THYN1: variants seen among roughly 807,000 people sequenced by gnomAD.
THYN1 encodes the protein thymocyte protein thy28.
In THYN1, 32 loss-of-function variants were observed where a neutral mutation model predicts 30.6. The observed-to-expected ratio is 1.05, with a 90% CI of 0.79 to 1.40. THYN1 has a LOEUF of 1.40. THYN1 is among the 40% of genes most tolerant of loss of function. The pLI, the probability that THYN1 is intolerant of heterozygous loss-of-function variation, is 0.00. For synonymous variants in THYN1, 107 were observed against 90.8 expected (o/e 1.18, Z -1.01); for missense variants, 259 against 272.6 (o/e 0.95, Z 0.35).
At position 134,251,186 on chromosome 11, in the gene THYN1, G is replaced by A. The variant is rs1291832056; in HGVS notation, c.166C>T (p.His56Tyr). 17 of 1,614,020 alleles carry A rather than the reference G, an allele frequency of 1.1e-5. No homozygotes were observed. Among genetic ancestry groups the A allele is most frequent in the African/African-American group, 1.3e-5 (1 of 74,936 alleles). Residue 56 changes from histidine to tyrosine, a missense_variant, in exon 2 of 7, where the codon CAC (histidine) becomes TAC (tyrosine). By Grantham distance (83) the His-to-Tyr change is moderately conservative. Transcript: ENST00000341541. Reference protein sequence around the residue: ...TKNCLKNLSSHWLMKSEPESR... With the variant: ...TKNCLKNLSSYWLMKSEPESR... ...TCTGGCTCTGACTTCATCAGCCAGT[G>A]GCTGCTTAGATTCTTCAAACAGTTT...
At position 134,249,186 on chromosome 11, in the gene THYN1, T is replaced by G. The variant is rs1938929441; in HGVS notation, c.461A>C (p.Asp154Ala). ...CTTTACCATGGACCACTTAGGGTTG[T>G]CCTCTTTGCTAGATGGGTCATAATG... The part of the protein sequence containing the change: ...NPHYDPSSKE[D>A]NPKWSMVDVQ... The change falls in exon 5 of 7, where the codon GAC (aspartate) becomes GCC (alanine). Residue 154 changes from aspartate to alanine, a missense_variant. Asp to Ala is a moderately radical substitution (Grantham distance 126). Transcript: ENST00000341541. The G allele has an allele frequency of 1.9e-6, 3 of 1,613,992 alleles. No individual in the cohort carries two copies. In the South Asian group the frequency reaches 3.3e-5, roughly 18 times the overall value.
At chr11:134,250,428 A>G in intron 2 of THYN1, 85 bp from the exon 3 acceptor site, 1 of 1,449,490 alleles carries the variant, frequency 6.9e-7, no homozygotes, top group Non-Finnish European at 9.6e-7. Flanking sequence ...TCCTTCCCCT[A>G]AAATGAGAGG....
At chr11:134,249,017 T>A in intron 5 of THYN1, 58 bp from the exon 6 acceptor site, 1 of 1,602,182 alleles carries the variant, frequency 6.2e-7, no homozygotes, top group Non-Finnish European at 8.5e-7. Context: ...GTGCCCACTG[T>A]ATTTTTAACC....
chr11:134,248,713 A>G, intron 6 of THYN1, 96 bp downstream of exon 6: 2 of 1,539,960 alleles, frequency 1.3e-6, no homozygotes, highest in Non-Finnish European at 1.8e-6. Context: ...TGACTGAGAA[A>G]GGTGAAGTAC....
Position 134,253,002 on chromosome 11 carries a change from G to A in THYN1, c.-120C>T, listed in dbSNP as rs1939194815. ...GATGGAGGCAACGAGAGGCAGCCTA[G>A]AACGTCTCCAACTTTTGCGAAACAC... On this transcript the variant is annotated 5_prime_UTR_variant, in exon 1 of 7. Coordinates refer to ENST00000341541, the MANE Select transcript of THYN1 (RefSeq NM_014174.3). 7 of 1,464,706 alleles carry A rather than the reference G, an allele frequency of 4.8e-6. No individual in the cohort carries two copies. The highest frequency in any genetic ancestry group is 6.3e-6 in the Non-Finnish European group (7 of 1,113,948). The allele number at this position is 1,464,706 out of a possible 1,614,324, so 90.7% of individuals were successfully genotyped here.
At chr11:134,250,489 G>A in intron 2 of THYN1, 146 bp from the exon 3 acceptor site, 1 of 814,550 alleles carries the variant, frequency 1.2e-6, no homozygotes. Context: ...TGGCTCCACA[G>A]AGACACTTTT....
chr11:134,252,454 C>T (rs755498802), intron 1 of THYN1, among the ~76,000 whole-genome samples: 40 of 152,226 alleles, frequency 2.6e-4, no homozygotes, highest in Non-Finnish European at 5.6e-4. Flanking sequence ...GTCTCCCATT[C>T]TTCAAGGCTG....
chr11:134,248,522 T>A (rs1469063438), intron 6 of THYN1, 38 bp from the exon 7 acceptor site: 1 of 1,611,492 alleles, frequency 6.2e-7, no homozygotes, highest in Non-Finnish European at 8.5e-7. Flanking sequence ...GATTAGTTTT[T>A]AATGTCCCCT....
Position 134,250,272 on chromosome 11 carries a change from T to A in THYN1, c.291+3A>T. On this transcript the variant is annotated splice_donor_region_variant and intron_variant, in intron 3 of 6. Transcript: ENST00000341541. ...TCAGGCGACCTCCTCCTTACCCTCT[T>A]ACCTGGTAGTTACGAACACCATCCC... is the stretch of plus-strand genomic sequence containing the variant. The A allele has an allele frequency of 2.5e-6, 4 of 1,614,188 alleles. No homozygotes were observed. Among genetic ancestry groups the A allele is most frequent in the Non-Finnish European group, 2.5e-6 (3 of 1,180,012 alleles).
rs1395059901 is a variant in THYN1 at position 134,249,219 on chromosome 11, T to A, written c.428A>T (p.Asn143Ile). ...GCTAGATGGGTCATAATGGGGATTG[T>A]TTTTCTCAAACTGTGTGTGGTCTGG... ...AYPDHTQFEKNNPHYDPSSKE... is the reference protein window; with the variant it reads ...AYPDHTQFEKINPHYDPSSKE... The change falls in exon 5 of 7, where the codon AAC becomes ATC. Residue 143 changes from asparagine (N) to isoleucine (I), a missense_variant. Coordinates refer to ENST00000341541, the MANE Select transcript of THYN1 (RefSeq NM_014174.3). The A allele has an allele frequency of 1.2e-6, 2 of 1,614,094 alleles. No individual in the cohort carries two copies. The highest frequency in any genetic ancestry group is 3.3e-5 in the Admixed American group (2 of 60,002).
intron 3 of THYN1, 41 bp from the exon 4 acceptor site, chr11:134,249,961 TG>T: frequency 6.3e-7 from 1 of 1,584,416 alleles, no homozygotes; most frequent in Non-Finnish European, 8.6e-7. Flanking sequence ...TCCCACCAGC[TG>T]GAAAGTACTA....
Position 134,253,025 on chromosome 11 carries a change from C to T in THYN1, c.-143G>A. 1 of 1,435,060 alleles carries T rather than the reference C, an allele frequency of 7.0e-7. No individual in the cohort carries two copies. The highest frequency in any genetic ancestry group is 2.6e-5 in the East Asian group (1 of 38,878). The allele number at this position is 1,435,060 out of a possible 1,614,324, so 88.9% of individuals were successfully genotyped here. On this transcript the variant is annotated 5_prime_UTR_variant, in exon 1 of 7. Coordinates refer to ENST00000341541, the MANE Select transcript of THYN1 (RefSeq NM_014174.3). ...TAGAACGTCTCCAACTTTTGCGAAA[C>T]ACAGACGCCTACGTTTGAGCCCTCA...
At chr11:134,248,516 A>G (rs1272700965) in intron 6 of THYN1, 32 bp from the exon 7 acceptor site, 1 of 1,612,422 alleles carries the variant, frequency 6.2e-7, no homozygotes. Context: ...AGGAAGGATT[A>G]GTTTTTAATG....
chr11:134,248,888 A>T lies in THYN1; in HGVS notation c.552T>A (p.Ala184=), dbSNP rs1281641680. The change falls in exon 6 of 7, where the codon GCT becomes GCA. Residue 184 remains alanine (A), a synonymous_variant. Transcript: ENST00000341541. The part of the protein sequence containing the change: ...PLAELKSYHQ[A]HKATGGPLKN... ...TTAAGGGGCCACCAGTAGCTTTGTG[A>T]GCTTGATGATAGGATTTGAGCTCAG... The T allele has an allele frequency of 6.2e-7, 1 of 1,614,176 alleles. No individual in the cohort carries two copies. The highest frequency in any genetic ancestry group is 8.5e-7 in the Non-Finnish European group (1 of 1,180,036).
At chr11:134,248,528 C>T in intron 6 of THYN1, 44 bp from the exon 7 acceptor site, 2 of 1,608,486 alleles carry the variant, frequency 1.2e-6, no homozygotes, top group Non-Finnish European at 1.7e-6. Context: ...TTTTTAATGT[C>T]CCCTCTTGAA....
Position 134,250,375 on chromosome 11 carries a change from A to T in THYN1, c.223-32T>A, listed in dbSNP as rs748603725. On this transcript the variant is annotated intron_variant, in intron 2 of 6. Transcript: ENST00000341541. ...AAGAGGAAATAAATTCAATCATTAAACAATCCTTGGCCAGTTAGTAAGCAC... is the reference window on the plus strand; with the variant it reads ...AAGAGGAAATAAATTCAATCATTAATCAATCCTTGGCCAGTTAGTAAGCAC... 10 of 1,613,350 alleles carry T rather than the reference A, an allele frequency of 6.2e-6. No individual in the cohort carries two copies. The South Asian group carries it at 1.1e-4, about 18-fold the overall frequency.
intron 1 of THYN1, among the ~76,000 whole-genome samples, chr11:134,252,083 C>G (rs1028005271): frequency 6.6e-6 from 1 of 152,154 alleles, no homozygotes; most frequent in Non-Finnish European, 1.5e-5. Flanking sequence ...GAGGTCAGCA[C>G]CTGTCACTGA....
chr11:134,248,555 G>C, intron 6 of THYN1, 71 bp from the exon 7 acceptor site: 2 of 1,575,750 alleles, frequency 1.3e-6, no homozygotes, highest in Non-Finnish European at 1.7e-6. Context: ...AGTTGTGCCA[G>C]GCACAGGTAC....
At chr11:134,249,996 C>T (rs1938975937) in intron 3 of THYN1, 76 bp from the exon 4 acceptor site, 2 of 1,422,462 alleles carry the variant, frequency 1.4e-6, no homozygotes, top group Admixed American at 4.0e-5. Flanking sequence ...ATCAAGTCTG[C>T]TTTTAATAGA....
Sources: allele counts gnomAD v4.1 joint callset (sites outside exome capture counted in the v4.1 genomes callset), GRCh38; gene constraint gnomAD v4.1.1; transcripts MANE v1.5; gene names NCBI Gene and HGNC (gene_info 2026-07-23, HGNC 2026-07-21).